MAP4K3: variants seen among roughly 807,000 people sequenced by gnomAD.
MAP4K3 encodes the protein mitogen-activated protein kinase kinase kinase kinase 3.
In MAP4K3, 94 loss-of-function variants were observed where a neutral mutation model predicts 143.5. The observed-to-expected ratio is 0.65, with a 90% CI of 0.55 to 0.78. The LOEUF (loss-of-function observed/expected upper bound fraction) is 0.78. Ranked by LOEUF, MAP4K3 falls within the 30% of genes least tolerant of loss-of-function variation. MAP4K3 has a pLI of 0.00. For synonymous variants in MAP4K3, 416 were observed against 347.2 expected, an observed-to-expected ratio of 1.20 and a Z score of -2.20; for missense variants, 1,077 against 1,068.1, an observed-to-expected ratio of 1.01 and a Z score of -0.12.
intron 1 of MAP4K3, among the ~76,000 whole-genome samples, chr2:39,423,045 T>A (rs1272474548): frequency 1.3e-5 from 2 of 152,032 alleles, no homozygotes; most frequent in Non-Finnish European, 2.9e-5. Context: ...AGGACATGTA[T>A]CCAAAATATA....
chr2:39,265,925 G>C (rs952617659), intron 27 of MAP4K3, among the ~76,000 whole-genome samples: 3 of 151,956 alleles, frequency 2.0e-5, no homozygotes, highest in African/African-American at 7.3e-5. Flanking sequence ...TATATGTGAA[G>C]TAAATATATT....
intron 1 of MAP4K3, among the ~76,000 whole-genome samples, chr2:39,387,159 A>G (rs1371867286): frequency 6.6e-6 from 1 of 152,166 alleles, no homozygotes; most frequent in African/African-American, 2.4e-5. Flanking sequence ...TACAATCACA[A>G]TAATTTTGTG....
chr2:39,391,009 C>T (rs1666636143), intron 1 of MAP4K3, among the ~76,000 whole-genome samples: 1 of 151,920 alleles, frequency 6.6e-6, no homozygotes, highest in African/African-American at 2.4e-5. Flanking sequence ...ACTTCTGAAA[C>T]ATGTTAAATA....
At position 39,250,644 on chromosome 2, in the gene MAP4K3, G is replaced by C; in HGVS notation, c.2659C>G (p.Leu887Val). The part of the protein sequence containing the change: ...NPTANSNLYI[L>V]AGHENSY Reference sequence around the variant, plus strand: ...CAGTAACTGTTTTCATGACCCGCCAGGATGTACAAATTGCTATTTGCTGTG... The same window carrying C: ...CAGTAACTGTTTTCATGACCCGCCACGATGTACAAATTGCTATTTGCTGTG... Residue 887 changes from leucine to valine, a missense_variant, in exon 34 of 34, where the codon CTG becomes GTG. Leu to Val is a conservative substitution (Grantham distance 32). Around this residue, in one of 2 missense-constraint regions of MAP4K3, gnomAD observed 864 missense variants for 801.2 expected, o/e 1.08. Coordinates refer to ENST00000263881, the MANE Select transcript of MAP4K3 (RefSeq NM_003618.4). 1.9e-6 allele frequency: 3 copies of C among 1,613,802 alleles called. No homozygotes were observed. The highest frequency in any genetic ancestry group is 1.7e-6 in the Non-Finnish European group (2 of 1,179,812).
chr2:39,268,960 C>A (rs1414355646), intron 26 of MAP4K3, among the ~76,000 whole-genome samples: 1 of 151,948 alleles, frequency 6.6e-6, no homozygotes. Flanking sequence ...CAGATTTCAC[C>A]ATGTTGCCCA....
chr2:39,278,437 A>T lies in MAP4K3; in HGVS notation c.1764T>A (p.Leu588=), dbSNP rs763258546. ...GAEEGIYTLN[L]NELHETSMEQ... Reference sequence around the variant, plus strand: ...CCATTGATGTTTCATGAAGTTCATTAAGATTGAGGGTATAAATCCCTTCTT... The same window carrying T: ...CCATTGATGTTTCATGAAGTTCATTTAGATTGAGGGTATAAATCCCTTCTT... Residue 588 remains leucine, a synonymous_variant, in exon 24 of 34, where the codon CTT becomes CTA. Coordinates refer to ENST00000263881, the MANE Select transcript of MAP4K3 (RefSeq NM_003618.4). 3.8e-6 allele frequency: 6 copies of T among 1,598,100 alleles called. No homozygotes were observed. In the Admixed American group the frequency reaches 1.0e-4, roughly 27 times the overall value.
chr2:39,350,907 A>G (rs1459250084), intron 3 of MAP4K3, among the ~76,000 whole-genome samples: 3 of 152,188 alleles, frequency 2.0e-5, no homozygotes, highest in African/African-American at 7.2e-5. Context: ...GTGGGGTTCA[A>G]CCAATCGCAG....
chr2:39,288,353 T>C (rs1485839111), intron 19 of MAP4K3, 73 bp from the exon 20 acceptor site: 1 of 1,357,370 alleles, frequency 7.4e-7, no homozygotes, highest in Non-Finnish European at 1.0e-6. Context: ...CTATTATACA[T>C]TAAAAGCTTT....
In MAP4K3 at chr2:39,292,757, CAG is replaced by C; in HGVS notation, c.1271+14_1271+15del. On this transcript the variant is annotated intron_variant, in intron 18 of 33. Coordinates refer to ENST00000263881, the MANE Select transcript of MAP4K3 (RefSeq NM_003618.4). ...TGACACCTTTTCTTTTTACCAAAAA[CAG>C]AGACAGAACTTACTGTTTAGATTCA... 1 of 1,609,872 alleles carries C rather than the reference CAG, an allele frequency of 6.2e-7. No homozygotes were observed. Among genetic ancestry groups the C allele is most frequent in the Non-Finnish European group, 8.5e-7 (1 of 1,176,602 alleles).
chr2:39,385,629 CA>C (rs1666484008), intron 1 of MAP4K3, among the ~76,000 whole-genome samples: 1 of 126,104 alleles, frequency 7.9e-6, no homozygotes, highest in Non-Finnish European at 1.6e-5. Context: ...ATATGATTTG[CA>C]ATTTTTTTTT....
At chr2:39,386,241 A>C (rs1004163223) in intron 1 of MAP4K3, among the ~76,000 whole-genome samples, 1 of 152,224 alleles carries the variant, frequency 6.6e-6, no homozygotes, top group Non-Finnish European at 1.5e-5. Context: ...CTGCAAGCCA[A>C]GGAGAGAAGC....
In MAP4K3 at chr2:39,295,779, C is replaced by T. The variant is rs186659268; in HGVS notation, c.1179-2511G>A. On this transcript the variant is annotated intron_variant, in intron 16 of 33. Coordinates refer to ENST00000263881, the MANE Select transcript of MAP4K3 (RefSeq NM_003618.4). ...TTTGGTCCAGTCTGGAGTGCAGTGGCGTGATCTTGGCTCACTGCAACCTCC... is the reference window on the plus strand; with the variant it reads ...TTTGGTCCAGTCTGGAGTGCAGTGGTGTGATCTTGGCTCACTGCAACCTCC... Among the ~76,000 whole-genome samples the T allele has an allele frequency of 6.9e-3, 935 of 136,090 alleles. 10 individuals carry two copies. The highest frequency in any genetic ancestry group is 0.025 in the African/African-American group (897 of 35,200). The allele number at this position is 136,090 out of a possible 152,430, so 89.3% of individuals were successfully genotyped here.
intron 8 of MAP4K3, among the ~76,000 whole-genome samples, chr2:39,330,995 A>G (rs969332078): frequency 1.3e-5 from 2 of 152,154 alleles, no homozygotes; most frequent in Non-Finnish European, 2.9e-5. Context: ...AGAAGTTACA[A>G]CTAAGTTTTT....
At chr2:39,296,983 T>C (rs372271206) in intron 16 of MAP4K3, among the ~76,000 whole-genome samples, 78 of 152,334 alleles carry the variant, frequency 5.1e-4, no homozygotes, top group African/African-American at 1.7e-3. Flanking sequence ...ATCTGGCATT[T>C]ACTACTACTA....
At chr2:39,298,493 ATATT>A (rs1300843790) in intron 16 of MAP4K3, among the ~76,000 whole-genome samples, 1 of 152,206 alleles carries the variant, frequency 6.6e-6, no homozygotes, top group African/African-American at 2.4e-5. Context: ...AAAGGATAGC[ATATT>A]TAACTAAAAA....
At chr2:39,306,792 C>CAAT (rs1381425486) in intron 15 of MAP4K3, among the ~76,000 whole-genome samples, 9 of 152,198 alleles carry the variant, frequency 5.9e-5, no homozygotes, top group Non-Finnish European at 1.0e-4. Context: ...TGTTCCTACA[C>CAAT]AATACTGACA....
intron 13 of MAP4K3, 75 bp from the exon 14 acceptor site, chr2:39,309,594 G>A: frequency 2.6e-6 from 2 of 763,772 alleles, no homozygotes; most frequent in Non-Finnish European, 3.7e-6. Context: ...GTCTTGCTCT[G>A]TCTCCCACGC....
At chr2:39,287,793 A>C (rs945705642) in intron 20 of MAP4K3, among the ~76,000 whole-genome samples, 1 of 152,244 alleles carries the variant, frequency 6.6e-6, no homozygotes, top group Non-Finnish European at 1.5e-5. Context: ...AGTAACCTAG[A>C]CGCAAAACAC....
intron 1 of MAP4K3, among the ~76,000 whole-genome samples, chr2:39,423,577 C>A (rs960499970): frequency 1.3e-5 from 2 of 152,040 alleles, no homozygotes; most frequent in African/African-American, 4.8e-5. Flanking sequence ...AGATATTATT[C>A]AGTAATTTTT....
Sources: gnomAD v4.1 joint callset for allele counts (sites outside exome capture counted in the v4.1 genomes callset) on GRCh38, gnomAD v4.1.1 for gene constraint, gnomAD v4.1.1 regional missense constraint, MANE v1.5 for transcripts, NCBI Gene and HGNC (gene_info 2026-07-23, HGNC 2026-07-21) for gene names.